The following APBA2 variants were observed in gnomAD, a reference collection of about 807,000 sequenced individuals.
APBA2 encodes the protein amyloid beta precursor protein binding family A member 2, also known as amyloid-beta A4 precursor protein-binding family A member 2.
In APBA2, 30 loss-of-function variants were observed where a neutral mutation model predicts 75.0. That is an observed-to-expected ratio of 0.40 (90% CI 0.30 to 0.54). APBA2 has a LOEUF of 0.54. Among genes scored for constraint, APBA2 ranks in the 20% least tolerant of loss-of-function variants. The probability of loss-of-function intolerance (pLI) is 0.49; values close to 1 mark genes in which losing one functional copy is unlikely to be tolerated. For missense variants in APBA2, 801 were observed against 1,016.1 expected (o/e 0.79, Z 2.88); for synonymous variants, 444 against 409.6 (o/e 1.08, Z -1.01).
Position 29,115,390 on chromosome 15 carries a change from C to T in APBA2, c.2178+1374C>T, listed in dbSNP as rs1016552034. Among the ~76,000 whole-genome samples, 9 of 152,068 alleles carry T rather than the reference C, an allele frequency of 5.9e-5. No homozygotes were observed. In the East Asian group the frequency reaches 1.7e-3, roughly 29 times the overall value. On this transcript the variant is annotated intron_variant, in intron 14 of 14. Transcript: ENST00000683413. ...CCTGTTTTCCCTGGACTGGTGGGGG[C>T]AGGGGTCTGGCTCAGGAGGAGGAGG...
intron 3 of APBA2, among the ~76,000 whole-genome samples, chr15:29,053,300 G>A (rs76511326): frequency 0.052 from 7,854 of 152,230 alleles, 293 homozygotes; most frequent in Non-Finnish European, 0.08. Flanking sequence ...TGGTCCCTGC[G>A]CATCCAGTTC....
At chr15:29,003,922 C>T (rs1377029082) in intron 3 of APBA2, among the ~76,000 whole-genome samples, 6 of 152,226 alleles carry the variant, frequency 3.9e-5, no homozygotes, top group African/African-American at 7.2e-5. Context: ...TTCACAGCAA[C>T]GTCTGGAAGA....
At chr15:28,953,239 A>T (rs1354511809) in intron 2 of APBA2, among the ~76,000 whole-genome samples, 2 of 152,128 alleles carry the variant, frequency 1.3e-5, no homozygotes, top group Non-Finnish European at 2.9e-5. Flanking sequence ...TAGTTGGCTC[A>T]AAAGTCAGCC....
At chr15:29,093,431 A>T (rs1300809425) in intron 7 of APBA2, among the ~76,000 whole-genome samples, 3 of 152,228 alleles carry the variant, frequency 2.0e-5, no homozygotes. Flanking sequence ...CAGCTCCTTA[A>T]CAAGAGGCCC....
In APBA2 at chr15:29,009,852, A is replaced by T. The variant is rs376955556; in HGVS notation, c.-41+14046A>T. On this transcript the variant is annotated intron_variant, in intron 3 of 14. Coordinates refer to ENST00000683413, the MANE Select transcript of APBA2 (RefSeq NM_001353788.2). ...GCATCTTTTCTAGTTTTGGGTCATG[A>T]TTGCTGCTGGGAACACTGTTACACA... is the stretch of plus-strand genomic sequence containing the variant. 6.2e-4 allele frequency among the ~76,000 whole-genome samples: 94 copies of T among 152,216 alleles called. 1 individual carries two copies. The South Asian group carries it at 0.019, about 30-fold the overall frequency.
chr15:29,106,914 C>A, intron 12 of APBA2, 95 bp downstream of exon 12: 1 of 1,215,628 alleles, frequency 8.2e-7, no homozygotes, highest in Non-Finnish European at 1.2e-6. Context: ...GCAATCCCCA[C>A]TTCACCCATG....
At chr15:28,964,247 T>C (rs889549744) in intron 2 of APBA2, among the ~76,000 whole-genome samples, 18 of 152,214 alleles carry the variant, frequency 1.2e-4, no homozygotes, top group African/African-American at 3.6e-4. Flanking sequence ...TTTTCCAGAG[T>C]GGCTGTACCA....
intron 3 of APBA2, among the ~76,000 whole-genome samples, chr15:29,031,296 G>C (rs2040475214): frequency 6.6e-6 from 1 of 152,176 alleles, no homozygotes; most frequent in Non-Finnish European, 1.5e-5. Flanking sequence ...ACACAGACTT[G>C]GTGTCGGAAT....
intron 1 of APBA2, among the ~76,000 whole-genome samples, chr15:28,917,258 C>T (rs1485152276): frequency 6.6e-6 from 1 of 152,130 alleles, no homozygotes; most frequent in Non-Finnish European, 1.5e-5. Flanking sequence ...CATGAACACT[C>T]CTCAATTTGG....
intron 2 of APBA2, among the ~76,000 whole-genome samples, chr15:28,922,821 G>A (rs142106232): frequency 4.4e-4 from 67 of 152,276 alleles, no homozygotes; most frequent in Non-Finnish European, 8.2e-4. Flanking sequence ...TCAGGTATTC[G>A]GTGAGACCTT....
intron 3 of APBA2, among the ~76,000 whole-genome samples, chr15:29,027,312 T>C (rs1425866606): frequency 6.6e-6 from 1 of 152,220 alleles, no homozygotes; most frequent in South Asian, 2.1e-4. Flanking sequence ...TTTTAAAATA[T>C]CTTCTATAGC....
In APBA2 at chr15:29,117,229, C is replaced by T. The variant is rs2045243091; in HGVS notation, c.*96C>T. On this transcript the variant is annotated 3_prime_UTR_variant, in exon 15 of 15. Coordinates refer to ENST00000683413, the MANE Select transcript of APBA2 (RefSeq NM_001353788.2). Reference sequence around the variant, plus strand: ...GGCCGCAGACTTGACCCCGACGCCACAGCCCAGCCACGGACGCTGGCTCCC... The same window carrying T: ...GGCCGCAGACTTGACCCCGACGCCATAGCCCAGCCACGGACGCTGGCTCCC... 2 of 1,189,926 alleles carry T rather than the reference C, an allele frequency of 1.7e-6. No individual in the cohort carries two copies. The highest frequency in any genetic ancestry group is 3.0e-5 in the African/African-American group (2 of 66,302). The allele number at this position is 1,189,926 out of a possible 1,614,324, so 73.7% of individuals were successfully genotyped here. A position where few individuals can be genotyped will look rare whatever the true frequency, so the allele number is the denominator to read the frequency against.
intron 2 of APBA2, among the ~76,000 whole-genome samples, chr15:28,968,126 T>A (rs372545653): frequency 4.2e-4 from 64 of 152,380 alleles, no homozygotes; most frequent in African/African-American, 1.5e-3. Context: ...CCCTTGCCTG[T>A]GAAGGCTGAA....
At chr15:29,078,016 G>T (rs1311628227) in intron 6 of APBA2, among the ~76,000 whole-genome samples, 1 of 152,208 alleles carries the variant, frequency 6.6e-6, no homozygotes. Flanking sequence ...GAAGTCCAGG[G>T]TTGGACGTGG....
Position 29,093,098 on chromosome 15 carries a change from G to A in APBA2, c.1093G>A (p.Asp365Asn). Residue 365 changes from aspartate (D) to asparagine (N), a missense_variant, in exon 7 of 15, where the codon GAC (aspartate) becomes AAC (asparagine). By Grantham distance (23) the Asp-to-Asn change is conservative. Transcript: ENST00000683413. ...VAVPGPCEPE[D>N]LIDGIIFAAN... Reference sequence around the variant, plus strand: ...AGTTCCAGGGCCCTGCGAACCAGAAGACCTCATCGACGGGATCATCTTTGC... The same window carrying A: ...AGTTCCAGGGCCCTGCGAACCAGAAAACCTCATCGACGGGATCATCTTTGC... 6.2e-7 allele frequency: 1 copy of A among 1,614,240 alleles called. No homozygotes were observed. The highest frequency in any genetic ancestry group is 8.5e-7 in the Non-Finnish European group (1 of 1,180,044).
intron 6 of APBA2, among the ~76,000 whole-genome samples, chr15:29,092,155 G>T (rs188126807): frequency 5.9e-4 from 90 of 152,202 alleles, no homozygotes; most frequent in Middle Eastern, 3.4e-3. Context: ...TACTGTCTAC[G>T]GCTACCTTTA....
chr15:28,971,173 T>G (rs2037047805), intron 2 of APBA2, among the ~76,000 whole-genome samples: 1 of 152,226 alleles, frequency 6.6e-6, no homozygotes, highest in Non-Finnish European at 1.5e-5. Context: ...CTATTTATAA[T>G]GAGTAAGAAG....
chr15:29,074,371 G>A (rs1040103326), intron 4 of APBA2, among the ~76,000 whole-genome samples: 1 of 152,220 alleles, frequency 6.6e-6, no homozygotes, highest in Non-Finnish European at 1.5e-5. Flanking sequence ...ACATTTTGCT[G>A]AGTGCAATAA....
At chr15:29,031,277 G>A (rs12440106) in intron 3 of APBA2, among the ~76,000 whole-genome samples, 29,434 of 152,052 alleles carry the variant, frequency 0.19, 3,759 homozygotes, top group African/African-American at 0.35. Flanking sequence ...CTCAGGCTGC[G>A]GTAACAAAAC....
Sources: allele counts gnomAD v4.1 joint callset (sites outside exome capture counted in the v4.1 genomes callset), GRCh38; gene constraint gnomAD v4.1.1; transcripts MANE v1.5; gene names NCBI Gene and HGNC (gene_info 2026-07-23, HGNC 2026-07-21).